OSBP2: variants seen among roughly 807,000 people sequenced by gnomAD.
OSBP2 encodes the protein oxysterol binding protein 2.
OSBP2 carries 66 observed loss-of-function variants against 96.0 expected under a neutral mutation model. That is an observed-to-expected ratio of 0.69 (90% CI 0.56 to 0.84). The LOEUF is 0.84. Ranked by LOEUF, OSBP2 falls within the 40% of genes least tolerant of loss-of-function variation. The probability of loss-of-function intolerance (pLI) is 0.00; values close to 1 mark genes in which losing one functional copy is unlikely to be tolerated. For missense variants in OSBP2, 1,038 were observed against 1,222.7 expected (o/e 0.85, Z 2.25); for synonymous variants, 525 against 520.9 (o/e 1.01, Z -0.11).
chr22:30,756,753 C>A (rs1324876749), intron 2 of OSBP2, among the ~76,000 whole-genome samples: 3 of 152,102 alleles, frequency 2.0e-5, no homozygotes, highest in African/African-American at 7.2e-5. Flanking sequence ...TAAATCAAAT[C>A]ATGCTACAAA....
intron 1 of OSBP2, among the ~76,000 whole-genome samples, chr22:30,710,698 C>T (rs1395536104): frequency 1.3e-5 from 2 of 152,102 alleles, no homozygotes; most frequent in South Asian, 2.1e-4. Flanking sequence ...GTAACCTCCA[C>T]CTCCCAGGTT....
intron 1 of OSBP2, among the ~76,000 whole-genome samples, chr22:30,699,763 A>G (rs952247646): frequency 1.3e-5 from 2 of 152,152 alleles, no homozygotes; most frequent in African/African-American, 4.8e-5. Context: ...TTGATTGCTT[A>G]AGTATATTCT....
At chr22:30,765,191 C>T (rs116371322) in intron 2 of OSBP2, among the ~76,000 whole-genome samples, 1 of 151,898 alleles carries the variant, frequency 6.6e-6, no homozygotes, top group Admixed American at 6.6e-5. Flanking sequence ...CCCGGCCCTC[C>T]CCCATTTTTA....
chr22:30,844,628 G>A (rs2038830539), intron 2 of OSBP2: 1 of 152,246 alleles, frequency 6.6e-6, no homozygotes, highest in African/African-American at 2.4e-5. Flanking sequence ...TTGGCTTAAG[G>A]GAATGTCATG....
intron 2 of OSBP2, among the ~76,000 whole-genome samples, chr22:30,795,298 G>T (rs1230884743): frequency 6.6e-6 from 1 of 151,994 alleles, no homozygotes. Flanking sequence ...GGGTCTCATT[G>T]AGCTTCTTGA....
intron 3 of OSBP2, among the ~76,000 whole-genome samples, chr22:30,886,807 A>G (rs1412935907): frequency 6.6e-6 from 1 of 152,138 alleles, no homozygotes; most frequent in Non-Finnish European, 1.5e-5. Flanking sequence ...TAGTCCTCAC[A>G]GGGAATGGAG....
intron 2 of OSBP2, among the ~76,000 whole-genome samples, chr22:30,863,852 G>A (rs1398108910): frequency 6.6e-6 from 1 of 152,206 alleles, no homozygotes; most frequent in Non-Finnish European, 1.5e-5. Flanking sequence ...TGTGGGGAGT[G>A]GGGAGCAGCG....
chr22:30,820,602 C>G (rs1019948621), intron 2 of OSBP2, among the ~76,000 whole-genome samples: 1 of 152,134 alleles, frequency 6.6e-6, no homozygotes, highest in African/African-American at 2.4e-5. Context: ...GGGCAAGTCA[C>G]TTGACCTCAG....
chr22:30,730,801 TATATATAA>T lies in OSBP2; in HGVS notation c.645-10359_645-10352del, dbSNP rs1569100662. ...ATATATATATATATATATATATATA[TATATATAA>T]TTTTTTTTTTTTTTCCCATGGACAT... On this transcript the variant is annotated intron_variant, in intron 1 of 13. Transcript: ENST00000332585. Among the ~76,000 whole-genome samples the T allele has an allele frequency of 1.4e-3, 79 of 56,456 alleles. 7 individuals are homozygous for T. The highest frequency in any genetic ancestry group is 3.6e-3 in the African/African-American group (39 of 10,770). The allele number at this position is 56,456 out of a possible 152,430, so 37.0% of individuals were successfully genotyped here.
At chr22:30,739,229 A>C (rs2089900056) in intron 1 of OSBP2, among the ~76,000 whole-genome samples, 1 of 152,202 alleles carries the variant, frequency 6.6e-6, no homozygotes, top group South Asian at 2.1e-4. Flanking sequence ...CCATCATCTT[A>C]TAAGTCCGTT....
Position 30,894,160 on chromosome 22 carries a change from C to T in OSBP2, c.2375+159C>T, listed in dbSNP as rs185437447. ...CGACATCCCAGTGTGAAGGCAGACA[C>T]CGAACAGTAAATAAATGTGAAACTA... On this transcript the variant is annotated intron_variant, in intron 12 of 13. Transcript: ENST00000332585. The T allele has an allele frequency of 1.1e-5, 7 of 623,014 alleles. No individual in the cohort carries two copies. In the Admixed American group the frequency reaches 1.7e-4, roughly 15 times the overall value. The allele number at this position is 623,014 out of a possible 1,614,324, so 38.6% of individuals were successfully genotyped here.
intron 1 of OSBP2, among the ~76,000 whole-genome samples, chr22:30,737,583 C>G (rs912562569): frequency 6.6e-6 from 1 of 152,026 alleles, no homozygotes; most frequent in Non-Finnish European, 1.5e-5. Flanking sequence ...CCCACCTTGG[C>G]CTCCTAAATT....
chr22:30,697,039 C>T (rs533984298), intron 1 of OSBP2, among the ~76,000 whole-genome samples: 3 of 152,092 alleles, frequency 2.0e-5, no homozygotes, highest in Non-Finnish European at 1.5e-5. Context: ...GCCCAGTAGA[C>T]GGTAGAGAGG....
chr22:30,741,861 C>G (rs2089942102), intron 2 of OSBP2, among the ~76,000 whole-genome samples: 1 of 150,080 alleles, frequency 6.7e-6, no homozygotes, highest in South Asian at 2.1e-4. Context: ...ACTCTGTCGC[C>G]CAGGCTGGAG....
chr22:30,803,818 G>A (rs2090889905), intron 2 of OSBP2, among the ~76,000 whole-genome samples: 1 of 152,212 alleles, frequency 6.6e-6, no homozygotes, highest in East Asian at 1.9e-4. Flanking sequence ...GTGTGTGTGT[G>A]TATGTGTGTG....
At chr22:30,733,291 C>T (rs943649014) in intron 1 of OSBP2, among the ~76,000 whole-genome samples, 2 of 152,184 alleles carry the variant, frequency 1.3e-5, no homozygotes, top group East Asian at 1.9e-4. Context: ...TTCAAGACCT[C>T]GCCACTGCTT....
At chr22:30,836,137 C>G (rs1196484575) in intron 2 of OSBP2, among the ~76,000 whole-genome samples, 2 of 152,190 alleles carry the variant, frequency 1.3e-5, no homozygotes, top group Non-Finnish European at 2.9e-5. Flanking sequence ...TCTACATATG[C>G]TTGGGTCTGT....
chr22:30,837,233 A>G (rs136216), intron 2 of OSBP2, among the ~76,000 whole-genome samples: 113,303 of 150,164 alleles, frequency 0.75, 43,815 homozygotes, highest in African/African-American at 0.92. Context: ...CTGTACTCCA[A>G]CCTGGGCAAC....
intron 12 of OSBP2, chr22:30,894,440 C>T (rs1178545729): frequency 6.2e-6 from 1 of 160,898 alleles, no homozygotes; most frequent in African/African-American, 2.4e-5. Context: ...AGTGACAGAA[C>T]TGCATTTAAA....
Sources: allele counts gnomAD v4.1 joint callset (sites outside exome capture counted in the v4.1 genomes callset), GRCh38; gene constraint gnomAD v4.1.1; transcripts MANE v1.5; gene names NCBI Gene and HGNC (gene_info 2026-07-23, HGNC 2026-07-21).